Variants in ASPSCR1 observed in about 807,000 individuals in gnomAD.
The protein encoded by ASPSCR1 is ASPSCR1 tether for SLC2A4, UBX domain containing, also known as tether containing UBX domain for GLUT4.
Under a neutral mutation model 68.9 loss-of-function variants are expected in ASPSCR1, and 55 were observed. The ratio of observed to expected loss-of-function variants is 0.80; its 90% confidence interval spans 0.64 to 1.00. The LOEUF is 1.00. Among genes scored for constraint, ASPSCR1 ranks in the 50% least tolerant of loss-of-function variants. The pLI is 0.00. For synonymous variants in ASPSCR1, 352 were observed against 332.6 expected (o/e 1.06, Z -0.63); for missense variants, 765 against 762.2 (o/e 1.00, Z -0.04).
At chr17:82,011,332 G>A (rs1033989864) in intron 10 of ASPSCR1, among the ~76,000 whole-genome samples, 1 of 152,126 alleles carries the variant, frequency 6.6e-6, no homozygotes, top group Non-Finnish European at 1.5e-5. Flanking sequence ...GGTGGCAGTG[G>A]GAGTGCTCTC....
chr17:81,998,506 C>T (rs1000201315), intron 7 of ASPSCR1, among the ~76,000 whole-genome samples: 35 of 152,282 alleles, frequency 2.3e-4, no homozygotes, highest in African/African-American at 7.5e-4. Context: ...ACAGGAATTA[C>T]TAGTCATTTC....
intron 12 of ASPSCR1, chr17:82,014,611 C>T (rs930613566): frequency 3.5e-5 from 6 of 173,006 alleles, no homozygotes; most frequent in South Asian, 1.3e-4. Context: ...GTGGTGCCGC[C>T]TCCCTCCCGG....
intron 4 of ASPSCR1, among the ~76,000 whole-genome samples, chr17:81,988,652 T>G (rs965139280): frequency 6.6e-6 from 1 of 151,680 alleles, no homozygotes; most frequent in African/African-American, 2.4e-5. Context: ...TGGTGGAGAG[T>G]GATTTGTGGC....
rs371044315 is a variant in ASPSCR1, at chr17:81,983,515, C to T, written c.159-39C>T. The T allele has an allele frequency of 2.0e-6, 3 of 1,532,716 alleles. No homozygotes were observed. Among genetic ancestry groups the T allele is most frequent in the Non-Finnish European group, 1.8e-6 (2 of 1,116,402 alleles). 94.9% of individuals were successfully genotyped at this position (1,532,716 alleles called of 1,614,324 possible). On this transcript the variant is annotated intron_variant, in intron 2 of 15. Transcript: ENST00000306739. This position sits in a 1 kb window ranked among gnomAD's most constrained non-coding sequence, Gnocchi z 4.4. ...GGCGTGGATGGCAGGGCGTGTCAGGCTCTGCAGGGCAGCAAGTGTGCTCTG... is the reference window on the plus strand; with the variant it reads ...GGCGTGGATGGCAGGGCGTGTCAGGTTCTGCAGGGCAGCAAGTGTGCTCTG...
rs2042451481 is a variant in ASPSCR1 at position 81,999,262 on chromosome 17, T to G, written c.933+2416T>G. ...ACAGCCCAGGGGCCAGGTCAGAGCTTCTTGAGCTCCTGCTGACGTAGTGGG... is the reference window on the plus strand; with the variant it reads ...ACAGCCCAGGGGCCAGGTCAGAGCTGCTTGAGCTCCTGCTGACGTAGTGGG... On this transcript the variant is annotated intron_variant, in intron 7 of 15. Transcript: ENST00000306739. The surrounding 1 kb of genome is among the most constrained non-coding windows in gnomAD (Gnocchi z 4.4). Among the ~76,000 whole-genome samples, 1 of 152,216 alleles carries G rather than the reference T, an allele frequency of 6.6e-6. No individual in the cohort carries two copies. Among genetic ancestry groups the G allele is most frequent in the African/African-American group, 2.4e-5 (1 of 41,458 alleles).
chr17:82,008,727 C>T (rs1397568256), intron 7 of ASPSCR1: 3 of 313,464 alleles, frequency 9.6e-6, no homozygotes, highest in South Asian at 1.3e-4. Flanking sequence ...GAGACCCTGA[C>T]GTGGCCTGAG....
intron 4 of ASPSCR1, among the ~76,000 whole-genome samples, chr17:81,992,334 C>G (rs1169294490): frequency 2.0e-5 from 3 of 152,190 alleles, no homozygotes; most frequent in Non-Finnish European, 4.4e-5. Flanking sequence ...AGGTCTGGAA[C>G]CGATTGCCCA....
intron 2 of ASPSCR1, chr17:81,982,746 CTT>C (rs1407595894): frequency 6.7e-6 from 1 of 150,050 alleles, no homozygotes; most frequent in African/African-American, 2.5e-5. Flanking sequence ...CTTGTTTTCT[CTT>C]TCTTTCTTTC....
chr17:81,980,114 C>G (rs1476585658), intron 2 of ASPSCR1, among the ~76,000 whole-genome samples: 1 of 152,180 alleles, frequency 6.6e-6, no homozygotes, highest in Non-Finnish European at 1.5e-5. Flanking sequence ...TCCCGAGTAG[C>G]TGAGATTAGA....
chr17:81,992,237 G>T (rs1385285321), intron 4 of ASPSCR1, among the ~76,000 whole-genome samples: 3 of 152,248 alleles, frequency 2.0e-5, no homozygotes, highest in African/African-American at 4.8e-5. Context: ...AGAGGTCTGC[G>T]TGGGGGAGGG....
chr17:82,010,187 T>G (rs141934232), intron 9 of ASPSCR1: 4,721 of 238,352 alleles, frequency 0.02, 245 homozygotes, highest in African/African-American at 0.11. Context: ...CTCCCAAAGT[T>G]CTGGGATTAC....
intron 1 of ASPSCR1, chr17:81,978,886 G>C: frequency 8.2e-6 from 4 of 485,358 alleles, no homozygotes; most frequent in Non-Finnish European, 1.5e-5. Context: ...GGGTTTGAAG[G>C]AGAGCCCAGG....
At chr17:82,006,696 C>T (rs2144078219) in intron 7 of ASPSCR1, 1 of 152,430 alleles carries the variant, frequency 6.6e-6, no homozygotes, top group South Asian at 2.1e-4. Context: ...CCCCAGGGGC[C>T]AGGCCTTGAC....
In ASPSCR1 at chr17:81,979,979, T is replaced by G. The variant is rs1323666293; in HGVS notation, c.158+740T>G. On this transcript the variant is annotated intron_variant, in intron 2 of 15. Coordinates refer to ENST00000306739, the MANE Select transcript of ASPSCR1 (RefSeq NM_024083.4). Reference sequence around the variant, plus strand: ...TTTAAAGTCCTGTTTTCTGGTGTTTTTTTTGTTTTGTTTTGTTTTTGAGAC... The same window carrying G: ...TTTAAAGTCCTGTTTTCTGGTGTTTGTTTTGTTTTGTTTTGTTTTTGAGAC... Among the ~76,000 whole-genome samples, 6 of 152,310 alleles carry G rather than the reference T, an allele frequency of 3.9e-5. No homozygotes were observed. The East Asian group carries it at 5.8e-4, about 15-fold the overall frequency.
chr17:81,996,302 G>A (rs2042335311), intron 6 of ASPSCR1, 118 bp from the exon 7 acceptor site: 5 of 1,461,078 alleles, frequency 3.4e-6, no homozygotes, highest in East Asian at 2.4e-5. Context: ...GCAGGAGAGG[G>A]TGAACCGGGG....
rs139741942 is a variant in ASPSCR1 at position 81,980,936 on chromosome 17, C to T, written c.158+1697C>T. ...ATCCTAGCACTTTGGGTGCCCGAGG[C>T]GGAGGATTGCCTGAGCCCAGGAATT... On this transcript the variant is annotated intron_variant, in intron 2 of 15. Transcript: ENST00000306739. Among the ~76,000 whole-genome samples the T allele has an allele frequency of 6.4e-4, 97 of 152,128 alleles. No individual in the cohort carries two copies. In the East Asian group the frequency reaches 0.014, roughly 22 times the overall value.
intron 12 of ASPSCR1, chr17:82,015,483 G>A (rs980528256): frequency 2.0e-5 from 25 of 1,244,524 alleles, no homozygotes; most frequent in South Asian, 4.6e-5. Context: ...CTTTCTGTGC[G>A]TCCCGTGGGG....
chr17:81,996,385 A>G (rs749456130), intron 6 of ASPSCR1, 35 bp from the exon 7 acceptor site: 2 of 1,544,470 alleles, frequency 1.3e-6, no homozygotes, highest in Non-Finnish European at 1.7e-6. Flanking sequence ...GGTAGGCACC[A>G]CAAGGTGCTT....
chr17:82,012,335 C>CA, intron 12 of ASPSCR1, 52 bp downstream of exon 12: 1 of 1,575,478 alleles, frequency 6.3e-7, no homozygotes, highest in Non-Finnish European at 8.7e-7. Flanking sequence ...CCAGGGAGGG[C>CA]AGGACGAGAG....
Sources: allele counts gnomAD v4.1 joint callset (sites outside exome capture counted in the v4.1 genomes callset), GRCh38; gene constraint gnomAD v4.1.1; non-coding constraint Gnocchi (gnomAD v3.1); transcripts MANE v1.5; gene names NCBI Gene and HGNC (gene_info 2026-07-23, HGNC 2026-07-21).